The following TENM3 variants were observed in gnomAD, a reference collection of about 807,000 sequenced individuals.
TENM3 encodes teneurin-3.
A neutral mutation model predicts 255.1 loss-of-function variants in TENM3; 63 were observed. That is an observed-to-expected ratio of 0.25 (90% CI 0.20 to 0.30). The LOEUF (loss-of-function observed/expected upper bound fraction) is 0.30, where lower values mean the gene tolerates loss of function less well. Among genes scored for constraint, TENM3 ranks in the 10% least tolerant of loss-of-function variants. TENM3 has a pLI of 1.00. For missense variants in TENM3, 2,929 were observed against 3,461.1 expected, an observed-to-expected ratio of 0.85 and a Z score of 3.86; for synonymous variants, 1,306 against 1,322.3, an observed-to-expected ratio of 0.99 and a Z score of 0.27.
chr4:182,464,605 A>G (rs527691577), intron 3 of TENM3, among the ~76,000 whole-genome samples: 2 of 152,336 alleles, frequency 1.3e-5, no homozygotes, highest in East Asian at 3.9e-4. Flanking sequence ...CTAGAGTATG[A>G]ACTAGGTTTA....
chr4:182,042,369 C>G, the TENM3 span, among the ~76,000 whole-genome samples: 1 of 152,082 alleles, frequency 6.6e-6, no homozygotes, highest in African/African-American at 2.4e-5. Flanking sequence ...AAAGTGTCTT[C>G]TACCAGGAAG....
At chr4:182,672,405 A>G (rs1561086080) in intron 6 of TENM3, among the ~76,000 whole-genome samples, 1 of 152,200 alleles carries the variant, frequency 6.6e-6, no homozygotes, top group African/African-American at 2.4e-5. Context: ...CACAAAAGCT[A>G]TGTGAGCACT....
At chr4:182,507,815 G>A (rs79808843) in intron 3 of TENM3, among the ~76,000 whole-genome samples, 6,010 of 152,238 alleles carry the variant, frequency 0.039, 230 homozygotes, top group East Asian at 0.11. Flanking sequence ...CCAAAGAGAC[G>A]AAATAGATCT....
At chr4:182,689,507 G>C (rs539359547) in intron 12 of TENM3, among the ~76,000 whole-genome samples, 1 of 152,110 alleles carries the variant, frequency 6.6e-6, no homozygotes, top group Non-Finnish European at 1.5e-5. Context: ...ACGCCCCCAC[G>C]CTGGTGATCT....
intron 4 of TENM3, among the ~76,000 whole-genome samples, chr4:182,612,407 C>T (rs1749097673): frequency 6.6e-6 from 1 of 152,142 alleles, no homozygotes; most frequent in African/African-American, 2.4e-5. Flanking sequence ...AACTCCTCTT[C>T]TCCTTTTCTC....
chr4:182,394,163 G>T (rs1481862756), intron 3 of TENM3, among the ~76,000 whole-genome samples: 6 of 152,174 alleles, frequency 3.9e-5, no homozygotes, highest in African/African-American at 1.4e-4. Context: ...GCTGTGCTTG[G>T]TCTCTAACTG....
chr4:181,562,718 C>T, the TENM3 span, among the ~76,000 whole-genome samples: 1 of 150,022 alleles, frequency 6.7e-6, no homozygotes, highest in Admixed American at 6.6e-5. Flanking sequence ...TTCTTGTCAC[C>T]CAGGCTAGAG....
At chr4:182,280,327 C>T (rs779623632) in intron 1 of TENM3, among the ~76,000 whole-genome samples, 3 of 152,058 alleles carry the variant, frequency 2.0e-5, no homozygotes, top group Non-Finnish European at 2.9e-5. Flanking sequence ...GTATTTTATT[C>T]AATATTTCTG....
At chr4:181,610,097 A>T in the TENM3 span, among the ~76,000 whole-genome samples, 1 of 152,222 alleles carries the variant, frequency 6.6e-6, no homozygotes, top group Admixed American at 6.5e-5. Context: ...TGAAGACTTT[A>T]TGTGAAGTGA....
At chr4:182,215,100 G>T (rs77109408) in intron 1 of TENM3, among the ~76,000 whole-genome samples, 8 of 152,156 alleles carry the variant, frequency 5.3e-5, no homozygotes, top group Non-Finnish European at 1.5e-5. Context: ...TTGAAGAAAT[G>T]GTTCTGAGCT....
At chr4:182,594,930 C>G (rs1034677827) in intron 3 of TENM3, among the ~76,000 whole-genome samples, 5 of 152,020 alleles carry the variant, frequency 3.3e-5, no homozygotes, top group African/African-American at 1.2e-4. Flanking sequence ...GTTGGCCAGG[C>G]TGGTCTCGAA....
chr4:182,334,442 T>G lies in TENM3; in HGVS notation c.232+10190T>G, dbSNP rs532303385. Among the ~76,000 whole-genome samples the G allele has an allele frequency of 2.2e-3, 332 of 152,286 alleles. 1 individual carries two copies. Among genetic ancestry groups the G allele is most frequent in the Middle Eastern group, 6.8e-3 (2 of 294 alleles). On this transcript the variant is annotated intron_variant, in intron 2 of 27. Transcript: ENST00000511685. The stretch of plus-strand genomic sequence containing the variant: ...TTGGCGTGAGTGATCTTCAAATTTA[T>G]CTTAAAATTCAAGTGATCATAAAAT...
intron 13 of TENM3, among the ~76,000 whole-genome samples, chr4:182,719,409 C>A (rs1342937118): frequency 6.0e-5 from 9 of 151,214 alleles, no homozygotes; most frequent in Non-Finnish European, 1.3e-4. Flanking sequence ...CTATAGGCGC[C>A]CACCACCACG....
At chr4:182,648,671 A>G in intron 5 of TENM3, among the ~76,000 whole-genome samples, 1 of 152,184 alleles carries the variant, frequency 6.6e-6, no homozygotes, top group South Asian at 2.1e-4. Flanking sequence ...CACCTCCCAG[A>G]TAGAATGTGA....
chr4:182,126,983 C>A, the TENM3 span, among the ~76,000 whole-genome samples: 1 of 152,072 alleles, frequency 6.6e-6, no homozygotes, highest in Non-Finnish European at 1.5e-5. Flanking sequence ...CTTCTTAAGG[C>A]GTAGCATGCA....
intron 3 of TENM3, among the ~76,000 whole-genome samples, chr4:182,431,893 A>G (rs545807241): frequency 2.0e-5 from 3 of 152,186 alleles, no homozygotes; most frequent in East Asian, 1.9e-4. Context: ...TCTGGGCAAC[A>G]TGGTGAAACC....
chr4:182,565,548 T>A (rs911659485), intron 3 of TENM3, among the ~76,000 whole-genome samples: 5 of 152,212 alleles, frequency 3.3e-5, no homozygotes, highest in Non-Finnish European at 5.9e-5. Flanking sequence ...CCTCCAGGAA[T>A]GACCTTAATT....
chr4:182,410,606 T>C (rs1719932727), intron 3 of TENM3, among the ~76,000 whole-genome samples: 1 of 152,254 alleles, frequency 6.6e-6, no homozygotes. Flanking sequence ...TTAATAGGAG[T>C]CACTTTTTAC....
At chr4:181,458,282 GA>G in the TENM3 span, among the ~76,000 whole-genome samples, 6 of 151,826 alleles carry the variant, frequency 4.0e-5, no homozygotes, top group African/African-American at 9.7e-5. Flanking sequence ...TCAGATCGGA[GA>G]AAAAAACTGA....
Sources: gnomAD v4.1 joint callset for allele counts (sites outside exome capture counted in the v4.1 genomes callset) on GRCh38, gnomAD v4.1.1 for gene constraint, MANE v1.5 for transcripts, NCBI Gene and HGNC (gene_info 2026-07-23, HGNC 2026-07-21) for gene names.